Variants in STX8 observed in about 807,000 individuals in gnomAD.
The protein encoded by STX8 is syntaxin 8.
In STX8, 23 loss-of-function variants were observed where a neutral mutation model predicts 37.5. The ratio of observed to expected loss-of-function variants is 0.61; its 90% CI spans 0.44 to 0.87. The LOEUF (loss-of-function observed/expected upper bound fraction) is 0.87. Ranked by LOEUF, STX8 falls within the 40% of genes least tolerant of loss-of-function variation. STX8 has a pLI of 0.00. For missense variants in STX8, 313 were observed against 284.7 expected, an observed-to-expected ratio of 1.10 and a Z score of -0.71; for synonymous variants, 115 against 99.1, an observed-to-expected ratio of 1.16 and a Z score of -0.95.
intron 3 of STX8, among the ~76,000 whole-genome samples, chr17:9,549,992 G>A (rs1447889406): frequency 6.6e-6 from 1 of 152,184 alleles, no homozygotes; most frequent in Non-Finnish European, 1.5e-5. Context: ...GGAAGGCTGA[G>A]GCAGGCGGAT....
At chr17:9,319,968 A>C (rs1909520487) in intron 7 of STX8, among the ~76,000 whole-genome samples, 1 of 151,984 alleles carries the variant, frequency 6.6e-6, no homozygotes, top group East Asian at 1.9e-4. Flanking sequence ...ATAAATAAAT[A>C]AATAAAATAA....
intron 7 of STX8, among the ~76,000 whole-genome samples, chr17:9,320,332 CAAA>C (rs1167812989): frequency 3.6e-5 from 3 of 83,230 alleles, no homozygotes; most frequent in Non-Finnish European, 5.4e-5. Context: ...GACTCCATCT[CAAA>C]AAAAAAAAAA....
rs1005006682 is a variant in STX8, at chr17:9,312,136, C to T, written c.644-61491G>A. ...CTGGGATTACAGGTGTGAGCCACTGCGCCCAGCTTCGTTAAATTCTTATTA... is the reference window on the plus strand; with the variant it reads ...CTGGGATTACAGGTGTGAGCCACTGTGCCCAGCTTCGTTAAATTCTTATTA... On this transcript the variant is annotated intron_variant, in intron 7 of 7. Transcript: ENST00000306357. 7.2e-5 allele frequency among the ~76,000 whole-genome samples: 11 copies of T among 151,958 alleles called. No homozygotes were observed. The East Asian group carries it at 1.5e-3, about 21-fold the overall frequency.
chr17:9,342,688 G>T (rs1182327364), intron 7 of STX8, among the ~76,000 whole-genome samples: 1 of 152,020 alleles, frequency 6.6e-6, no homozygotes, highest in Non-Finnish European at 1.5e-5. Flanking sequence ...CTTTTTGAGT[G>T]CCAGGAAATG....
intron 7 of STX8, among the ~76,000 whole-genome samples, chr17:9,312,851 GGTAGAATCTT>G (rs1909240992): frequency 1.3e-5 from 2 of 152,138 alleles, no homozygotes; most frequent in African/African-American, 4.8e-5. Context: ...AGATCGTCAA[GGTAGAATCTT>G]GCGTCCCCAG....
At chr17:9,456,701 G>T (rs1419455543) in intron 6 of STX8, among the ~76,000 whole-genome samples, 1 of 152,054 alleles carries the variant, frequency 6.6e-6, no homozygotes, top group Non-Finnish European at 1.5e-5. Context: ...GTCACTATAG[G>T]AAATGAATCT....
At chr17:9,316,348 G>C (rs1332520405) in intron 7 of STX8, among the ~76,000 whole-genome samples, 1 of 152,072 alleles carries the variant, frequency 6.6e-6, no homozygotes, top group South Asian at 2.1e-4. Flanking sequence ...GCATCAGGAT[G>C]GGGGAACAGA....
At position 9,534,955 on chromosome 17, in the gene STX8, G is replaced by C. The variant is rs531788503; in HGVS notation, c.323+10217C>G. ...CCAGAAATAGATCAAAATACATATG[G>C]GAACGTATTCTATGATAATGCAGCA... On this transcript the variant is annotated intron_variant, in intron 4 of 7. Transcript: ENST00000306357. Among the ~76,000 whole-genome samples the C allele has an allele frequency of 2.0e-4, 30 of 152,146 alleles. No individual in the cohort carries two copies. The South Asian group carries it at 6.2e-3, about 32-fold the overall frequency.
chr17:9,441,867 G>A lies in STX8; in HGVS notation c.541+49962C>T, dbSNP rs191506885. 1.4e-4 allele frequency among the ~76,000 whole-genome samples: 21 copies of A among 151,772 alleles called. No individual in the cohort carries two copies. In the East Asian group the frequency reaches 3.9e-3, roughly 28 times the overall value. On this transcript the variant is annotated intron_variant, in intron 6 of 7. Transcript: ENST00000306357. ...ATTTTTTGTATTTTTAGTAGAGACG[G>A]GGTTTCACCGTGTTAGCCAGGATGG...
intron 7 of STX8, among the ~76,000 whole-genome samples, chr17:9,276,696 C>CTATTCACAAGTGTGATCATTA (rs1907690728): frequency 6.6e-6 from 1 of 151,388 alleles, no homozygotes; most frequent in African/African-American, 2.4e-5. Flanking sequence ...AGTGCAGTGG[C>CTATTCACAAGTGTGATCATTA]ACGATCTCAG....
chr17:9,496,815 C>A (rs767132187), intron 5 of STX8, among the ~76,000 whole-genome samples: 3 of 151,974 alleles, frequency 2.0e-5, no homozygotes, highest in Non-Finnish European at 2.9e-5. Context: ...GCTTTGAAGA[C>A]GAAAGAAGAG....
intron 6 of STX8, among the ~76,000 whole-genome samples, chr17:9,414,801 T>C (rs923427477): frequency 1.4e-5 from 2 of 146,214 alleles, no homozygotes; most frequent in African/African-American, 5.1e-5. Flanking sequence ...TTTTTTTTTT[T>C]TTTTTTGAGT....
At chr17:9,437,120 C>T (rs1395925692) in intron 6 of STX8, among the ~76,000 whole-genome samples, 1 of 152,182 alleles carries the variant, frequency 6.6e-6, no homozygotes, top group Non-Finnish European at 1.5e-5. Context: ...GAATTTTGAG[C>T]AGACAGTTGT....
At chr17:9,298,549 C>T (rs923258322) in intron 7 of STX8, among the ~76,000 whole-genome samples, 6 of 152,152 alleles carry the variant, frequency 3.9e-5, no homozygotes, top group African/African-American at 1.2e-4. Flanking sequence ...TGGTGGCTCA[C>T]GCCTGTAATC....
chr17:9,369,904 A>AAAAAAAG (rs1567800772), intron 7 of STX8, among the ~76,000 whole-genome samples: 3 of 146,970 alleles, frequency 2.0e-5, no homozygotes, highest in Non-Finnish European at 3.0e-5. Flanking sequence ...AAAAAAAAAA[A>AAAAAAAG]AAAAAAGAAA....
chr17:9,336,917 A>G (rs1910157165), intron 7 of STX8, among the ~76,000 whole-genome samples: 1 of 152,206 alleles, frequency 6.6e-6, no homozygotes, highest in African/African-American at 2.4e-5. Flanking sequence ...AGGAGAAATG[A>G]AGTTCTGAAC....
intron 7 of STX8, among the ~76,000 whole-genome samples, chr17:9,370,582 T>G (rs1328345814): frequency 6.6e-6 from 1 of 152,188 alleles, no homozygotes; most frequent in Non-Finnish European, 1.5e-5. Context: ...TAATGCAATG[T>G]CAGCTGGGTT....
intron 7 of STX8, among the ~76,000 whole-genome samples, chr17:9,355,949 G>T (rs907258779): frequency 6.6e-6 from 1 of 152,156 alleles, no homozygotes; most frequent in Non-Finnish European, 1.5e-5. Flanking sequence ...ACCAGGCCCA[G>T]CCCATCTCTT....
chr17:9,328,833 T>C (rs1909865231), intron 7 of STX8, among the ~76,000 whole-genome samples: 1 of 151,986 alleles, frequency 6.6e-6, no homozygotes, highest in Non-Finnish European at 1.5e-5. Context: ...GTGGATCACC[T>C]GAGGACAGGA....
Sources: gnomAD v4.1 joint callset for allele counts (sites outside exome capture counted in the v4.1 genomes callset) on GRCh38, gnomAD v4.1.1 for gene constraint, MANE v1.5 for transcripts, NCBI Gene and HGNC (gene_info 2026-07-23, HGNC 2026-07-21) for gene names.